The following SSBP2 variants were observed in gnomAD, a reference collection of about 807,000 sequenced individuals.
The protein encoded by SSBP2 is single-stranded DNA-binding protein 2.
In SSBP2, 17 loss-of-function variants were observed where a neutral mutation model predicts 61.8. That is an observed-to-expected ratio of 0.28 (90% confidence interval 0.19 to 0.41). SSBP2 has a LOEUF of 0.41. Ranked by LOEUF, SSBP2 falls within the 10% of genes least tolerant of loss-of-function variation. SSBP2 has a pLI of 1.00. For missense variants in SSBP2, 310 were observed against 458.7 expected, an observed-to-expected ratio of 0.68 and a Z score of 2.96; for synonymous variants, 139 against 141.3, an observed-to-expected ratio of 0.98 and a Z score of 0.12.
intron 6 of SSBP2, among the ~76,000 whole-genome samples, chr5:81,483,809 T>C (rs566906863): frequency 2.0e-4 from 31 of 152,120 alleles, no homozygotes; most frequent in South Asian, 4.1e-4. Context: ...TTTTTCTATA[T>C]TTCAACAACT....
chr5:81,692,795 G>C (rs1293595280), intron 1 of SSBP2, among the ~76,000 whole-genome samples: 3 of 151,942 alleles, frequency 2.0e-5, no homozygotes, highest in South Asian at 2.1e-4. Context: ...GGGAAAACTG[G>C]ATATTTATAT....
intron 4 of SSBP2, among the ~76,000 whole-genome samples, chr5:81,612,047 G>A (rs1745503784): frequency 6.6e-6 from 1 of 152,096 alleles, no homozygotes; most frequent in Non-Finnish European, 1.5e-5. Flanking sequence ...AGAACTTTTG[G>A]AGGTGACAGA....
chr5:81,632,783 C>T (rs1396497423), intron 3 of SSBP2, among the ~76,000 whole-genome samples: 2 of 152,190 alleles, frequency 1.3e-5, no homozygotes, highest in African/African-American at 4.8e-5. Context: ...CTTTTTCTAA[C>T]CTACACTATT....
chr5:81,438,150 G>A (rs1168475512), intron 14 of SSBP2, among the ~76,000 whole-genome samples: 1 of 151,974 alleles, frequency 6.6e-6, no homozygotes, highest in Non-Finnish European at 1.5e-5. Flanking sequence ...CGGAGTTCGA[G>A]ACCAGCCTGG....
At chr5:81,662,459 C>T (rs1052366872) in intron 1 of SSBP2, among the ~76,000 whole-genome samples, 3 of 152,044 alleles carry the variant, frequency 2.0e-5, no homozygotes, top group Non-Finnish European at 4.4e-5. Context: ...AAGAGCAAAA[C>T]TCCGTCTCAA....
In SSBP2 at chr5:81,420,139, A is replaced by C. The variant is rs1761506555; in HGVS notation, c.*365T>G. On this transcript the variant is annotated 3_prime_UTR_variant, in exon 17 of 17. Transcript: ENST00000320672. ...AAGGATGGAATAAAAGTCCCTACTT[A>C]TTTCTACTTAAGATGTCATGTGATA... The C allele has an allele frequency of 5.2e-6, 1 of 192,668 alleles. No individual in the cohort carries two copies. Among genetic ancestry groups the C allele is most frequent in the Non-Finnish European group, 1.1e-5 (1 of 94,838 alleles). The allele number at this position is 192,668 out of a possible 1,614,324, so 11.9% of individuals were successfully genotyped here.
chr5:81,485,186 G>C (rs1048124281), intron 6 of SSBP2, among the ~76,000 whole-genome samples: 2 of 152,020 alleles, frequency 1.3e-5, no homozygotes, highest in Admixed American at 1.3e-4. Context: ...ACCAATTCCA[G>C]TGTAAAATTG....
In SSBP2 at chr5:81,416,339, A is replaced by G. The variant is rs967404224; in HGVS notation, c.*4165T>C. ...CTCCTTCGAATTAGCAGTGATAATC[A>G]AGAAATGAAAATTGCAATTATTTCT... On this transcript the variant is annotated 3_prime_UTR_variant, in exon 17 of 17. Coordinates refer to ENST00000320672, the MANE Select transcript of SSBP2 (RefSeq NM_012446.5). 1 of 152,266 alleles carries G rather than the reference A, an allele frequency of 6.6e-6. No homozygotes were observed. The highest frequency in any genetic ancestry group is 1.5e-5 in the Non-Finnish European group (1 of 68,058). 9.4% of individuals were successfully genotyped at this position (152,266 alleles called of 1,614,324 possible). A position where few individuals can be genotyped will look rare whatever the true frequency, so the allele number is the denominator to read the frequency against.
At chr5:81,567,412 G>A (rs1367631371) in intron 4 of SSBP2, among the ~76,000 whole-genome samples, 5 of 152,222 alleles carry the variant, frequency 3.3e-5, no homozygotes, top group Non-Finnish European at 7.3e-5. Flanking sequence ...GTGCACAGAA[G>A]TCAAGAATTG....
At chr5:81,460,062 T>C (rs1260105683) in intron 10 of SSBP2, among the ~76,000 whole-genome samples, 1 of 152,204 alleles carries the variant, frequency 6.6e-6, no homozygotes, top group Admixed American at 6.5e-5. Flanking sequence ...GTTATTTACT[T>C]GAGCTGAAAG....
At chr5:81,424,797 G>A (rs1253968334) in intron 16 of SSBP2, among the ~76,000 whole-genome samples, 1 of 152,202 alleles carries the variant, frequency 6.6e-6, no homozygotes, top group African/African-American at 2.4e-5. Flanking sequence ...AGGAAGAGTA[G>A]GTGTTAAATG....
Position 81,715,223 on chromosome 5 carries a change from T to C in SSBP2, c.62+35758A>G, listed in dbSNP as rs117746405. ...ACTCAATAAAATTGCCAGAACAGAGTAGGATTTTCTAGGTCAAAAGAAGCC... is the reference window on the plus strand; with the variant it reads ...ACTCAATAAAATTGCCAGAACAGAGCAGGATTTTCTAGGTCAAAAGAAGCC... On this transcript the variant is annotated intron_variant, in intron 1 of 16. Coordinates refer to ENST00000320672, the MANE Select transcript of SSBP2 (RefSeq NM_012446.5). 3.6e-3 allele frequency among the ~76,000 whole-genome samples: 539 copies of C among 150,870 alleles called. 5 individuals are homozygous for C. Among genetic ancestry groups the C allele is most frequent in the African/African-American group, 0.012 (502 of 41,036 alleles).
chr5:81,423,323 A>G (rs1761729369), intron 16 of SSBP2, among the ~76,000 whole-genome samples: 2 of 152,240 alleles, frequency 1.3e-5, no homozygotes, highest in Admixed American at 1.3e-4. Flanking sequence ...AATTTTAATT[A>G]ATAGGGCAGC....
intron 4 of SSBP2, among the ~76,000 whole-genome samples, chr5:81,574,507 T>C (rs1461200066): frequency 2.6e-5 from 4 of 151,978 alleles, no homozygotes; most frequent in Admixed American, 6.5e-5. Context: ...GGCAGAAGTA[T>C]AATATTTGAA....
chr5:81,734,456 T>C (rs898623213), intron 1 of SSBP2, among the ~76,000 whole-genome samples: 3 of 152,152 alleles, frequency 2.0e-5, no homozygotes, highest in Admixed American at 1.3e-4. Context: ...TCAAAGCTCC[T>C]AGACTTGTCA....
intron 6 of SSBP2, among the ~76,000 whole-genome samples, chr5:81,480,264 G>T (rs1313621205): frequency 1.3e-5 from 2 of 152,092 alleles, no homozygotes; most frequent in Non-Finnish European, 2.9e-5. Context: ...TGATGTACAG[G>T]CACACCTCAG....
intron 11 of SSBP2, 64 bp from the exon 12 acceptor site, chr5:81,446,986 CTT>C (rs1763445000): frequency 8.4e-7 from 1 of 1,194,078 alleles, no homozygotes; most frequent in Non-Finnish European, 1.2e-6. Flanking sequence ...AGAAGTTAGA[CTT>C]ATATCTATAA....
intron 4 of SSBP2, among the ~76,000 whole-genome samples, chr5:81,595,063 T>C (rs1374231083): frequency 2.0e-5 from 3 of 152,152 alleles, no homozygotes; most frequent in African/African-American, 7.2e-5. Context: ...AGCTGGTTTT[T>C]TGAAAAGATC....
In SSBP2 at chr5:81,583,629, C is replaced by CAAAAA. The variant is rs56294944; in HGVS notation, c.282+31839_282+31843dup. On this transcript the variant is annotated intron_variant, in intron 4 of 16. Coordinates refer to ENST00000320672, the MANE Select transcript of SSBP2 (RefSeq NM_012446.5). ...TGGGCGACAGAGCGAGACACCGTCT[C>CAAAAA]AAAAAAAAAAAAAAAAAAAGTAGCC... Among the ~76,000 whole-genome samples the CAAAAA allele has an allele frequency of 1.3e-3, 99 of 77,378 alleles. 1 individual carries two copies. Among genetic ancestry groups the CAAAAA allele is most frequent in the Non-Finnish European group, 2.2e-3 (86 of 38,868 alleles). 50.8% of individuals were successfully genotyped at this position (77,378 alleles called of 152,430 possible).
Sources: gnomAD v4.1 joint callset for allele counts (sites outside exome capture counted in the v4.1 genomes callset) on GRCh38, gnomAD v4.1.1 for gene constraint, MANE v1.5 for transcripts, NCBI Gene and HGNC (gene_info 2026-07-23, HGNC 2026-07-21) for gene names.